PTPRT: variants seen among roughly 807,000 people sequenced by gnomAD.
The protein encoded by PTPRT is receptor-type tyrosine-protein phosphatase T.
Under a neutral mutation model 176.8 loss-of-function variants are expected in PTPRT, and 56 were observed. The observed-to-expected ratio is 0.32, with a 90% confidence interval of 0.26 to 0.40. PTPRT has a LOEUF of 0.40. Ranked by LOEUF, PTPRT falls within the 10% of genes least tolerant of loss-of-function variation. The pLI is 1.00. For missense variants in PTPRT, 1,540 were observed against 1,908.2 expected, an observed-to-expected ratio of 0.81 and a Z score of 3.60; for synonymous variants, 783 against 739.0, an observed-to-expected ratio of 1.06 and a Z score of -0.96.
intron 1 of PTPRT, among the ~76,000 whole-genome samples, chr20:42,945,839 G>A (rs73273615): frequency 3.4e-4 from 51 of 151,878 alleles, no homozygotes; most frequent in African/African-American, 1.1e-3. Flanking sequence ...TTTCATCACC[G>A]CCAGAGAAGA....
intron 1 of PTPRT, among the ~76,000 whole-genome samples, chr20:43,177,419 A>C (rs2015147531): frequency 6.6e-6 from 1 of 152,210 alleles, no homozygotes; most frequent in Non-Finnish European, 1.5e-5. Context: ...GAAATATCTG[A>C]AGTTTGAGCC....
intron 1 of PTPRT, among the ~76,000 whole-genome samples, chr20:43,139,483 G>A (rs2013936110): frequency 6.6e-6 from 1 of 152,142 alleles, no homozygotes; most frequent in African/African-American, 2.4e-5. Context: ...ATCGCAGTGT[G>A]AACACTCTAA....
At chr20:42,644,220 GA>G (rs1341275218) in intron 7 of PTPRT, among the ~76,000 whole-genome samples, 6 of 152,076 alleles carry the variant, frequency 3.9e-5, no homozygotes, top group African/African-American at 7.2e-5. Flanking sequence ...GGACCTTTGT[GA>G]CAGCCTCCTC....
At chr20:42,732,891 C>A (rs1234371263) in intron 6 of PTPRT, among the ~76,000 whole-genome samples, 2 of 152,154 alleles carry the variant, frequency 1.3e-5, no homozygotes, top group African/African-American at 4.8e-5. Flanking sequence ...TACAAAAGAT[C>A]CCTGGATACT....
At chr20:42,168,813 C>T (rs1472817714) in intron 16 of PTPRT, among the ~76,000 whole-genome samples, 1 of 152,192 alleles carries the variant, frequency 6.6e-6, no homozygotes, top group Non-Finnish European at 1.5e-5. Context: ...TAGACTTGCA[C>T]TAGCATAGGT....
At chr20:42,764,608 T>C (rs957722910) in intron 5 of PTPRT, among the ~76,000 whole-genome samples, 2 of 152,194 alleles carry the variant, frequency 1.3e-5, no homozygotes, top group African/African-American at 2.4e-5. Context: ...ACAGGACCTA[T>C]GTTTCTTCAC....
At chr20:42,613,583 C>T (rs980039344) in intron 7 of PTPRT, among the ~76,000 whole-genome samples, 2 of 152,166 alleles carry the variant, frequency 1.3e-5, no homozygotes, top group African/African-American at 4.8e-5. Context: ...ATCTAAGTTG[C>T]AGATCTAATT....
At position 42,187,422 on chromosome 20, in the gene PTPRT, C is replaced by T. The variant is rs562607031; in HGVS notation, c.2491+11818G>A. ...GCTGAGTAACTAAACATCATGGAAC[C>T]CTTTTCAAAATTATGTAGGAAGCAA... On this transcript the variant is annotated intron_variant, in intron 16 of 30. Transcript: ENST00000373187. Among the ~76,000 whole-genome samples, 5 of 152,172 alleles carry T rather than the reference C, an allele frequency of 3.3e-5. No homozygotes were observed. In the South Asian group the frequency reaches 6.2e-4, roughly 19 times the overall value.
chr20:43,058,813 C>T (rs1393418816), intron 1 of PTPRT, among the ~76,000 whole-genome samples: 9 of 148,794 alleles, frequency 6.0e-5, no homozygotes, highest in Non-Finnish European at 7.5e-5. Flanking sequence ...CTAAGAAAAC[C>T]TTATTTTTTT....
chr20:42,120,182 T>C (rs1987513560), intron 19 of PTPRT, among the ~76,000 whole-genome samples: 1 of 152,198 alleles, frequency 6.6e-6, no homozygotes, highest in African/African-American at 2.4e-5. Flanking sequence ...TTATAGTTAC[T>C]TGTGAGGTGC....
At chr20:42,765,089 G>A (rs2076964601) in intron 5 of PTPRT, among the ~76,000 whole-genome samples, 1 of 152,246 alleles carries the variant, frequency 6.6e-6, no homozygotes, top group Admixed American at 6.5e-5. Context: ...TCTGCTCCCA[G>A]TCCAGTGAAT....
At chr20:43,006,700 A>T (rs1984871598) in intron 1 of PTPRT, among the ~76,000 whole-genome samples, 1 of 152,216 alleles carries the variant, frequency 6.6e-6, no homozygotes, top group African/African-American at 2.4e-5. Context: ...ATCTGTTTAC[A>T]TTTCTCTCAA....
At chr20:42,196,483 C>A (rs1991222340) in intron 16 of PTPRT, among the ~76,000 whole-genome samples, 2 of 152,136 alleles carry the variant, frequency 1.3e-5, no homozygotes, top group African/African-American at 4.8e-5. Context: ...CATTCAAAAT[C>A]CACTGCTTTA....
At chr20:42,091,700 C>T (rs997969761) in intron 27 of PTPRT, among the ~76,000 whole-genome samples, 14 of 151,890 alleles carry the variant, frequency 9.2e-5, no homozygotes, top group Non-Finnish European at 1.9e-4. Flanking sequence ...TATAAAGATC[C>T]AAAAATATAT....
chr20:42,068,462 A>G (rs190843172), downstream of PTPRT, among the ~76,000 whole-genome samples: 2 of 152,182 alleles, frequency 1.3e-5, no homozygotes, highest in African/African-American at 4.8e-5. Flanking sequence ...GAAAGCCAAA[A>G]TCCTCAGCAT....
chr20:42,659,627 G>A lies in PTPRT; in HGVS notation c.1153+18239C>T, dbSNP rs529395476. ...GCTTTGGTCAAATGCTTTGGGGTGG[G>A]TGCGGGGAAAGTCAAATCCATGTAC... is the stretch of plus-strand genomic sequence containing the variant. On this transcript the variant is annotated intron_variant, in intron 7 of 30. Transcript: ENST00000373187. Among the ~76,000 whole-genome samples the A allele has an allele frequency of 2.0e-5, 3 of 152,298 alleles. No homozygotes were observed. In the East Asian group the frequency reaches 5.8e-4, roughly 29 times the overall value.
chr20:42,085,089 T>A (rs1983750628), intron 28 of PTPRT, among the ~76,000 whole-genome samples: 1 of 152,088 alleles, frequency 6.6e-6, no homozygotes, highest in Admixed American at 6.5e-5. Context: ...AAAACCCAAT[T>A]TAAATGTCCC....
chr20:42,279,476 G>A (rs1355718786), intron 13 of PTPRT, among the ~76,000 whole-genome samples: 4 of 152,120 alleles, frequency 2.6e-5, no homozygotes, highest in Non-Finnish European at 5.9e-5. Flanking sequence ...AAGGAACAAG[G>A]TCTGCAGACA....
intron 7 of PTPRT, among the ~76,000 whole-genome samples, chr20:42,550,249 A>G (rs182649182): frequency 1.8e-3 from 280 of 152,182 alleles, no homozygotes; most frequent in African/African-American, 6.6e-3. Flanking sequence ...GCCATTAAAG[A>G]CTAGAAGTAT....
Sources: allele counts gnomAD v4.1 joint callset (sites outside exome capture counted in the v4.1 genomes callset), GRCh38; gene constraint gnomAD v4.1.1; transcripts MANE v1.5; gene names NCBI Gene and HGNC (gene_info 2026-07-23, HGNC 2026-07-21).